SF3B2: variants seen among roughly 807,000 people sequenced by gnomAD.
SF3B2 encodes splicing factor 3b subunit 2.
In SF3B2, 22 loss-of-function variants were observed where a neutral mutation model predicts 116.3. The ratio of observed to expected loss-of-function variants is 0.19; its 90% CI spans 0.14 to 0.27. The LOEUF is 0.27. Among genes scored for constraint, SF3B2 ranks in the 10% least tolerant of loss-of-function variants. The pLI is 1.00. For synonymous variants in SF3B2, 406 were observed against 421.6 expected (o/e 0.96, Z 0.45); for missense variants, 767 against 1,151.4 (o/e 0.67, Z 4.83).
In SF3B2 at chr11:66,059,504, T is replaced by A; in HGVS notation, c.1321-11T>A. 1 of 1,613,928 alleles carries A rather than the reference T, an allele frequency of 6.2e-7. No individual in the cohort carries two copies. The highest frequency in any genetic ancestry group is 8.5e-7 in the Non-Finnish European group (1 of 1,179,974). ...GAGTCCTGCTTAAAAGGGCTGATTG[T>A]TCTGTTCTAGGAAAAGAAGCCAGAA... On this transcript the variant is annotated splice_polypyrimidine_tract_variant and intron_variant, in intron 11 of 21. Coordinates refer to ENST00000322535, the MANE Select transcript of SF3B2 (RefSeq NM_006842.3). This position sits in a 1 kb window ranked among gnomAD's most constrained non-coding sequence, Gnocchi z 5.0.
In SF3B2 at chr11:66,052,415, G is replaced by A. The variant is rs367930350; in HGVS notation, c.31G>A (p.Ala11Thr). 3.7e-6 allele frequency: 6 copies of A among 1,612,882 alleles called. No individual in the cohort carries two copies. The African/African-American group carries it at 8.0e-5, about 22-fold the overall frequency. MATEHPEPPK[A>T]ELQLPPPPPP... ...GACGGAGCATCCCGAGCCTCCCAAA[G>A]CAGAATTGCAGCTGCCGCCGCCGCC... The change falls in exon 1 of 22, where the codon GCA (alanine) becomes ACA (threonine). Residue 11 changes from alanine to threonine, a missense_variant. Physicochemically the swap from Ala to Thr is moderately conservative, Grantham distance 58. Around this residue, in one of 4 missense-constraint regions of SF3B2, gnomAD observed 455 missense variants for 537.5 expected, o/e 0.85. Coordinates refer to ENST00000322535, the MANE Select transcript of SF3B2 (RefSeq NM_006842.3).
chr11:66,066,013 T>C (rs9704938), intron 19 of SF3B2: 147,780 of 152,344 alleles, frequency 0.97, 71,853 homozygotes, highest in East Asian at 1. Flanking sequence ...GCTGGGACTA[T>C]AGGCGTGCGC....
At position 66,063,531 on chromosome 11, in the gene SF3B2, C is replaced by A. The variant is rs552763620; in HGVS notation, c.2217C>A (p.Thr739=). The change falls in exon 18 of 22, where the codon ACC becomes ACA. Residue 739 remains threonine, a synonymous_variant. Transcript: ENST00000322535. The stretch of plus-strand genomic sequence containing the variant: ...AACCAGATGAGACAGGCTTTATTAC[C>A]CCTGCAGACAGGTGGGGGAAGCAGA... ...EDKPDETGFI[T]PADSGLITPG... is the part of the protein sequence containing the mutation. 1.2e-6 allele frequency: 2 copies of A among 1,613,390 alleles called. No individual in the cohort carries two copies. Among genetic ancestry groups the A allele is most frequent in the African/African-American group, 1.3e-5 (1 of 74,984 alleles).
intron 9 of SF3B2, 23 bp downstream of exon 9, chr11:66,058,428 G>A: frequency 6.3e-7 from 1 of 1,587,550 alleles, no homozygotes; most frequent in Admixed American, 1.7e-5. Flanking sequence ...GCTGAGTGTG[G>A]AAGGAAAGCC....
chr11:66,063,296 G>A, intron 17 of SF3B2, 104 bp from the exon 18 acceptor site: 1 of 1,190,936 alleles, frequency 8.4e-7, no homozygotes, highest in South Asian at 1.5e-5. Flanking sequence ...TAGGTAGGTA[G>A]GGATTATTGT....
intron 3 of SF3B2, chr11:66,054,071 A>G (rs1856946589): frequency 6.6e-6 from 1 of 152,000 alleles, no homozygotes. Flanking sequence ...AATCCCAGCT[A>G]CTTGGGAGGC....
chr11:66,065,465 T>G (rs1175080179), intron 19 of SF3B2: 1 of 152,214 alleles, frequency 6.6e-6, no homozygotes, highest in Non-Finnish European at 1.5e-5. Context: ...AATGTTTCTT[T>G]GCTTGGGGTT....
rs1342925903 is a variant in SF3B2, at chr11:66,055,662, T to A, written c.549+77T>A. 1.3e-5 allele frequency: 17 copies of A among 1,332,150 alleles called. No individual in the cohort carries two copies. The East Asian group carries it at 3.7e-4, about 29-fold the overall frequency. The allele number at this position is 1,332,150 out of a possible 1,614,324, so 82.5% of individuals were successfully genotyped here. A position where few individuals can be genotyped will look rare whatever the true frequency, so the allele number is the denominator to read the frequency against. On this transcript the variant is annotated intron_variant, in intron 5 of 21. Coordinates refer to ENST00000322535, the MANE Select transcript of SF3B2 (RefSeq NM_006842.3). ...CATTTATAGTGCTTAGAGTGCACCA[T>A]TCAAGTTTTCCCTGGAGGCTACTTT...
At chr11:66,068,369 C>CT (rs1857224276) in intron 21 of SF3B2, 36 bp downstream of exon 21, 1 of 1,520,744 alleles carries the variant, frequency 6.6e-7, no homozygotes, top group African/African-American at 1.4e-5. Context: ...TGGGTGAGAG[C>CT]CAGGGACCCT....
chr11:66,062,591 A>G (rs534962006), intron 16 of SF3B2, among the ~76,000 whole-genome samples: 1 of 152,038 alleles, frequency 6.6e-6, no homozygotes, highest in East Asian at 1.9e-4. Context: ...TAAGCATTAA[A>G]AAAATTGATG....
rs778210127 is a variant in SF3B2 at position 66,067,932 on chromosome 11, A to G, written c.2331-14A>G. ...TCCCTTGCTTTTTGGGCCTGATCCC[A>G]TTGTCCTTCGCAGAAGTGAGACACC... On this transcript the variant is annotated splice_polypyrimidine_tract_variant and intron_variant, in intron 19 of 21. Transcript: ENST00000322535. The G allele has an allele frequency of 6.2e-7, 1 of 1,611,028 alleles. No individual in the cohort carries two copies. Among genetic ancestry groups the G allele is most frequent in the Non-Finnish European group, 8.5e-7 (1 of 1,178,584 alleles).
At chr11:66,052,795 CTTCA>C in intron 2 of SF3B2, 76 bp downstream of exon 2, 2 of 1,470,004 alleles carry the variant, frequency 1.4e-6, no homozygotes, top group Non-Finnish European at 1.8e-6. Context: ...ACGGCTCGGT[CTTCA>C]TTCTTTCTTT....
chr11:66,058,733 T>C, intron 9 of SF3B2, 97 bp from the exon 10 acceptor site: 1 of 1,073,738 alleles, frequency 9.3e-7, no homozygotes, highest in Non-Finnish European at 1.4e-6. Context: ...AGCCTGACTG[T>C]TGAACTGTGG....
chr11:66,063,844 C>T (rs1857136421), intron 19 of SF3B2, 115 bp downstream of exon 19: 4 of 766,518 alleles, frequency 5.2e-6, no homozygotes, highest in Middle Eastern at 4.0e-4. Context: ...AACCAACTCT[C>T]TGCCAGGCAC....
intron 2 of SF3B2, 120 bp downstream of exon 2, chr11:66,052,839 C>CT (rs1270938184): frequency 1.5e-6 from 2 of 1,314,704 alleles, no homozygotes; most frequent in Non-Finnish European, 2.1e-6. Context: ...GAGGCTTGCC[C>CT]TTTTTAGCTT....
At chr11:66,067,213 G>C (rs958553278) in intron 19 of SF3B2, 2 of 290,126 alleles carry the variant, frequency 6.9e-6, no homozygotes, top group Admixed American at 4.3e-5. Context: ...AATAAAGAAG[G>C]GTACTGTGGA....
chr11:66,068,966 CTCTT>C lies in SF3B2; in HGVS notation c.*225_*228del, dbSNP rs1396792130. On this transcript the variant is annotated 3_prime_UTR_variant, in exon 22 of 22. Transcript: ENST00000322535. ...CTTCTTGCAAAAGGACTAAAATAGT[CTCTT>C]TCTACAATCACTGGGCTGCCCCAGT... 1.9e-6 allele frequency: 1 copy of C among 521,908 alleles called. No homozygotes were observed. Among genetic ancestry groups the C allele is most frequent in the Non-Finnish European group, 3.5e-6 (1 of 287,350 alleles). The allele number at this position is 521,908 out of a possible 1,614,324, so 32.3% of individuals were successfully genotyped here. A position where few individuals can be genotyped will look rare whatever the true frequency, so the allele number is the denominator to read the frequency against.
chr11:66,064,184 T>C (rs1159125753), intron 19 of SF3B2, among the ~76,000 whole-genome samples: 1 of 152,252 alleles, frequency 6.6e-6, no homozygotes, highest in Non-Finnish European at 1.5e-5. Context: ...TTGACCCCTT[T>C]ATCATGAAAT....
At position 66,058,983 on chromosome 11, in the gene SF3B2, G is replaced by A; in HGVS notation, c.1120G>A (p.Glu374Lys). 1 of 1,614,176 alleles carries A rather than the reference G, an allele frequency of 6.2e-7. No homozygotes were observed. Among genetic ancestry groups the A allele is most frequent in the Middle Eastern group, 1.6e-4 (1 of 6,062 alleles). ...TGATGTTGAGATTGAGTATGTGACT[G>A]AAGAACCTGAAATTTACGAGCCCAA... ...AADVEIEYVTEEPEIYEPNFI... is the reference protein window; with the variant it reads ...AADVEIEYVTKEPEIYEPNFI... The change falls in exon 10 of 22, where the codon GAA becomes AAA. Residue 374 changes from glutamate (E) to lysine (K), a missense_variant. This residue lies in a region of SF3B2 where 455 missense variants were observed against 537.5 expected (regional missense o/e 0.85). Transcript: ENST00000322535.
Sources: gnomAD v4.1 joint callset for allele counts (sites outside exome capture counted in the v4.1 genomes callset) on GRCh38, gnomAD v4.1.1 for gene constraint, gnomAD v4.1.1 regional missense constraint, Gnocchi (gnomAD v3.1) non-coding constraint, MANE v1.5 for transcripts, NCBI Gene and HGNC (gene_info 2026-07-23, HGNC 2026-07-21) for gene names.